The following PAPSS2 variants were observed in gnomAD, a reference collection of about 807,000 sequenced individuals.
PAPSS2 encodes the protein bifunctional 3'-phosphoadenosine 5'-phosphosulfate synthase 2.
Under a neutral mutation model 66.5 loss-of-function variants are expected in PAPSS2, and 61 were observed. The ratio of observed to expected loss-of-function variants is 0.92; its 90% CI spans 0.75 to 1.14. PAPSS2 has a LOEUF of 1.14. Among genes scored for constraint, PAPSS2 ranks in the 50% most tolerant of loss-of-function variants. The probability of loss-of-function intolerance (pLI) is 0.00; values close to 1 mark genes in which losing one functional copy is unlikely to be tolerated. For synonymous variants in PAPSS2, 289 were observed against 287.5 expected, an observed-to-expected ratio of 1.01 and a Z score of -0.05; for missense variants, 708 against 789.6, an observed-to-expected ratio of 0.90 and a Z score of 1.24.
At chr10:87,686,192 T>C (rs2131908748) in intron 1 of PAPSS2, among the ~76,000 whole-genome samples, 1 of 151,232 alleles carries the variant, frequency 6.6e-6, no homozygotes, top group East Asian at 1.9e-4. Flanking sequence ...TGTACAGAGA[T>C]AGATTAAAAC....
chr10:87,687,068 TA>T (rs2131909456), intron 1 of PAPSS2, among the ~76,000 whole-genome samples: 2 of 152,356 alleles, frequency 1.3e-5, no homozygotes, highest in African/African-American at 4.8e-5. Context: ...CTGGTCATTT[TA>T]ACTAGGTTTG....
chr10:87,666,126 G>A (rs1852813874), intron 1 of PAPSS2, among the ~76,000 whole-genome samples: 2 of 151,948 alleles, frequency 1.3e-5, no homozygotes, highest in South Asian at 4.2e-4. Context: ...ACCACACCCG[G>A]CTAATTTTTG....
chr10:87,676,322 T>C (rs1297888026), intron 1 of PAPSS2, among the ~76,000 whole-genome samples: 1 of 152,174 alleles, frequency 6.6e-6, no homozygotes, highest in Non-Finnish European at 1.5e-5. Flanking sequence ...CTTTGTATGT[T>C]CCAGTAGGAC....
At chr10:87,740,783 G>T (rs113460392) in intron 9 of PAPSS2, among the ~76,000 whole-genome samples, 2 of 152,272 alleles carry the variant, frequency 1.3e-5, no homozygotes, top group African/African-American at 4.8e-5. Flanking sequence ...TGTAGACATA[G>T]ATATGAGAAT....
intron 10 of PAPSS2, among the ~76,000 whole-genome samples, chr10:87,742,422 C>T (rs553479442): frequency 5.8e-4 from 89 of 152,176 alleles, no homozygotes; most frequent in Non-Finnish European, 1.1e-3. Flanking sequence ...GAGATTTTTA[C>T]TCTTTATTGT....
At chr10:87,674,338 A>G (rs955459813) in intron 1 of PAPSS2, among the ~76,000 whole-genome samples, 1 of 151,896 alleles carries the variant, frequency 6.6e-6, no homozygotes, top group Non-Finnish European at 1.5e-5. Context: ...CTAATTTTTT[A>G]TATTTTTGGT....
Position 87,707,740 on chromosome 10 carries a change from G to GT in PAPSS2, c.28-1451dup, listed in dbSNP as rs1436314060. Among the ~76,000 whole-genome samples the GT allele has an allele frequency of 1.7e-4, 26 of 151,108 alleles. 1 individual carries two copies. Among genetic ancestry groups the GT allele is most frequent in the Non-Finnish European group, 3.1e-4 (21 of 67,760 alleles). ...ATATGCCACCATGCCTGGCTAATAT[G>GT]TTTTTATTTTTCATAGAGATGAGGT... On this transcript the variant is annotated intron_variant, in intron 1 of 12. Coordinates refer to ENST00000456849, the MANE Select transcript of PAPSS2 (RefSeq NM_001015880.2).
At chr10:87,680,026 C>CA (rs58787148) in intron 1 of PAPSS2, among the ~76,000 whole-genome samples, 55,275 of 126,512 alleles carry the variant, frequency 0.44, 11,158 homozygotes, top group African/African-American at 0.48. Context: ...GAACCTATCT[C>CA]AAAAAAAAAA....
chr10:87,736,584 A>C (rs543686018), intron 9 of PAPSS2, among the ~76,000 whole-genome samples: 6 of 152,008 alleles, frequency 3.9e-5, no homozygotes, highest in Non-Finnish European at 7.4e-5. Context: ...CTTTTTCATT[A>C]GTTTCACCAT....
intron 9 of PAPSS2, among the ~76,000 whole-genome samples, chr10:87,735,607 G>A (rs1321934): frequency 0.41 from 62,634 of 151,940 alleles, 13,661 homozygotes; most frequent in African/African-American, 0.56. Context: ...AAACACAACC[G>A]AAAACCTTGC....
intron 7 of PAPSS2, among the ~76,000 whole-genome samples, chr10:87,719,772 G>C (rs1044632257): frequency 1.3e-5 from 2 of 152,110 alleles, no homozygotes; most frequent in Non-Finnish European, 2.9e-5. Context: ...TGGTAATGAA[G>C]GCAGGTGAGC....
At chr10:87,687,939 A>T (rs1033353913) in intron 1 of PAPSS2, among the ~76,000 whole-genome samples, 1 of 152,186 alleles carries the variant, frequency 6.6e-6, no homozygotes, top group Non-Finnish European at 1.5e-5. Context: ...TTTGATTTAG[A>T]CTGTGCTATT....
chr10:87,713,455 A>C, intron 3 of PAPSS2, 145 bp downstream of exon 3: 1 of 648,708 alleles, frequency 1.5e-6, no homozygotes, highest in Non-Finnish European at 2.7e-6. Context: ...TCCCCCAATA[A>C]CAGGCTCTCT....
At chr10:87,713,334 A>AAAAAAAAAAAAAAAAAAAAAAAAAAAAAT in intron 3 of PAPSS2, 24 bp downstream of exon 3, 1 of 1,180,922 alleles carries the variant, frequency 8.5e-7, no homozygotes, top group East Asian at 2.5e-5. Context: ...AAAAAAAAAA[A>AAAAAAAAAAAAAAAAAAAAAAAAAAAAAT]GGCACTACAC....
At chr10:87,661,596 G>A (rs1008882740) in intron 1 of PAPSS2, among the ~76,000 whole-genome samples, 3 of 152,086 alleles carry the variant, frequency 2.0e-5, no homozygotes, top group South Asian at 2.1e-4. Context: ...AGAAAGGGAC[G>A]AGGTGGTCTC....
chr10:87,710,875 C>T (rs112857372), intron 2 of PAPSS2, among the ~76,000 whole-genome samples: 2,556 of 152,024 alleles, frequency 0.017, 73 homozygotes, highest in African/African-American at 0.057. Context: ...TGGTGGTGCA[C>T]GCCTGTAATC....
intron 1 of PAPSS2, among the ~76,000 whole-genome samples, chr10:87,698,790 G>C (rs571547395): frequency 3.3e-4 from 50 of 152,288 alleles, no homozygotes; most frequent in African/African-American, 1.2e-3. Context: ...GGAAGCTGAG[G>C]CAGGACGATT....
At chr10:87,670,562 C>T (rs1210186002) in intron 1 of PAPSS2, among the ~76,000 whole-genome samples, 1 of 141,876 alleles carries the variant, frequency 7.0e-6, no homozygotes. Context: ...GAGATGATTG[C>T]ATAAAAAGAT....
intron 1 of PAPSS2, among the ~76,000 whole-genome samples, chr10:87,697,517 G>C (rs1853249521): frequency 6.6e-6 from 1 of 152,324 alleles, no homozygotes; most frequent in African/African-American, 2.4e-5. Context: ...TCGTCAGGGT[G>C]TGTCCAAGGT....
Sources: allele counts gnomAD v4.1 joint callset (sites outside exome capture counted in the v4.1 genomes callset), GRCh38; gene constraint gnomAD v4.1.1; transcripts MANE v1.5; gene names NCBI Gene and HGNC (gene_info 2026-07-23, HGNC 2026-07-21).